CHST8: variants seen among roughly 807,000 people sequenced by gnomAD.
CHST8 encodes the protein carbohydrate sulfotransferase 8.
In CHST8, 10 loss-of-function variants were observed where a neutral mutation model predicts 15.0. That is an observed-to-expected ratio of 0.67 (90% CI 0.41 to 1.13). The LOEUF is 1.13. CHST8 is among the 50% of genes most tolerant of loss of function. The pLI is 0.00. For missense variants in CHST8, 634 were observed against 608.2 expected, an observed-to-expected ratio of 1.04 and a Z score of -0.45; for synonymous variants, 259 against 256.6, an observed-to-expected ratio of 1.01 and a Z score of -0.09.
At chr19:33,687,510 G>A (rs1025857706) in intron 2 of CHST8, among the ~76,000 whole-genome samples, 81 of 152,304 alleles carry the variant, frequency 5.3e-4, no homozygotes, top group African/African-American at 1.9e-3. Flanking sequence ...GACAAAACAG[G>A]CCCAGCTCAG....
intron 1 of CHST8, among the ~76,000 whole-genome samples, chr19:33,626,783 CTTTTTT>C (rs373066494): frequency 3.7e-5 from 5 of 133,480 alleles, no homozygotes; most frequent in African/African-American, 5.6e-5. Context: ...TTTTTTTTTC[CTTTTTT>C]TTTTTTTTTT....
chr19:33,693,964 T>G (rs2145264577), intron 3 of CHST8, among the ~76,000 whole-genome samples: 1 of 151,004 alleles, frequency 6.6e-6, no homozygotes, highest in African/African-American at 2.4e-5. Context: ...GGATTTTGTT[T>G]TAATGGGGCA....
At chr19:33,755,855 C>T (rs909462071) in intron 3 of CHST8, among the ~76,000 whole-genome samples, 1 of 152,220 alleles carries the variant, frequency 6.6e-6, no homozygotes. Flanking sequence ...ACAGCCATTA[C>T]ATGGGAGCAC....
intron 1 of CHST8, among the ~76,000 whole-genome samples, chr19:33,645,653 C>T (rs79476172): frequency 0.025 from 3,871 of 152,206 alleles, 169 homozygotes; most frequent in African/African-American, 0.088. Flanking sequence ...GAAGGACATA[C>T]AGGATTTAGG....
intron 3 of CHST8, among the ~76,000 whole-genome samples, chr19:33,713,658 C>A (rs1241962143): frequency 2.0e-5 from 3 of 152,116 alleles, no homozygotes; most frequent in Non-Finnish European, 4.4e-5. Flanking sequence ...CTCCAACTCC[C>A]AGGTTCAAGT....
intron 1 of CHST8, among the ~76,000 whole-genome samples, chr19:33,631,272 TTACACCTCC>T (rs1274321104): frequency 6.6e-6 from 1 of 152,192 alleles, no homozygotes; most frequent in Non-Finnish European, 1.5e-5. Flanking sequence ...ATATTCCTCC[TTACACCTCC>T]TATAGACATC....
chr19:33,652,932 T>A (rs1246953084), intron 1 of CHST8, among the ~76,000 whole-genome samples: 1 of 152,220 alleles, frequency 6.6e-6, no homozygotes, highest in East Asian at 1.9e-4. Flanking sequence ...CAAAACAACA[T>A]AATGATCTTG....
chr19:33,665,637 GAAAAAA>G (rs537538600), intron 1 of CHST8, among the ~76,000 whole-genome samples: 1 of 141,638 alleles, frequency 7.1e-6, no homozygotes, highest in Non-Finnish European at 1.6e-5. Context: ...CTTCAAAACT[GAAAAAA>G]AAAAAAAGCT....
In CHST8 at chr19:33,705,602, A is replaced by G. The variant is rs113389246; in HGVS notation, c.130+16211A>G. ...GGCACTCTCTCCAGTATCTACCTGG[A>G]GATGCGGGTGTGGGTGCCCGTGGGT... On this transcript the variant is annotated intron_variant, in intron 3 of 4. Transcript: ENST00000650847. Among the ~76,000 whole-genome samples, 1,463 of 152,258 alleles carry G rather than the reference A, an allele frequency of 9.6e-3. 21 individuals are homozygous for G. The highest frequency in any genetic ancestry group is 0.033 in the African/African-American group (1,378 of 41,536).
intron 3 of CHST8, among the ~76,000 whole-genome samples, chr19:33,742,806 C>T (rs1289176427): frequency 6.6e-6 from 1 of 152,212 alleles, no homozygotes; most frequent in Admixed American, 6.5e-5. Flanking sequence ...ATCAGCCCCT[C>T]TTGGCTGCTA....
chr19:33,652,713 T>TA (rs1810162132), intron 1 of CHST8, among the ~76,000 whole-genome samples: 1 of 152,166 alleles, frequency 6.6e-6, no homozygotes, highest in Non-Finnish European at 1.5e-5. Flanking sequence ...TTGTGTTTCC[T>TA]ACTTAACTTG....
intron 2 of CHST8, among the ~76,000 whole-genome samples, chr19:33,673,365 A>G (rs530610171): frequency 1.3e-5 from 2 of 152,346 alleles, no homozygotes; most frequent in African/African-American, 2.4e-5. Context: ...GGCAGGATCA[A>G]TTCCAGACAT....
At chr19:33,741,614 C>A (rs1304144656) in intron 3 of CHST8, among the ~76,000 whole-genome samples, 1 of 151,928 alleles carries the variant, frequency 6.6e-6, no homozygotes, top group Non-Finnish European at 1.5e-5. Context: ...ACTTGCGTGT[C>A]TTTTGTAGGA....
In CHST8 at chr19:33,773,097, C is replaced by G. The variant is rs1363035311; in HGVS notation, c.*34C>G. ...GCAGCTGGCCGGGGCCGCCCTGCCC[C>G]GGTCACTCACCTGTGCTCCCGGGCA... On this transcript the variant is annotated 3_prime_UTR_variant, in exon 5 of 5. Coordinates refer to ENST00000650847, the MANE Select transcript of CHST8 (RefSeq NM_001127895.2). 3 of 1,550,352 alleles carry G rather than the reference C, an allele frequency of 1.9e-6. No individual in the cohort carries two copies. Among genetic ancestry groups the G allele is most frequent in the African/African-American group, 1.4e-5 (1 of 73,920 alleles).
chr19:33,752,217 G>A (rs1034151678), intron 3 of CHST8, among the ~76,000 whole-genome samples: 34 of 152,282 alleles, frequency 2.2e-4, no homozygotes, highest in East Asian at 3.9e-4. Context: ...CCTGCCCGCC[G>A]CCTAGGGGGA....
At chr19:33,698,709 C>T (rs1320898357) in intron 3 of CHST8, among the ~76,000 whole-genome samples, 1 of 152,060 alleles carries the variant, frequency 6.6e-6, no homozygotes, top group Non-Finnish European at 1.5e-5. Context: ...TCACAGGTTC[C>T]ATTTGGGGCT....
At chr19:33,629,138 T>G (rs1972093031) in intron 1 of CHST8, among the ~76,000 whole-genome samples, 1 of 152,114 alleles carries the variant, frequency 6.6e-6, no homozygotes, top group Admixed American at 6.5e-5. Context: ...TGGCCCAACT[T>G]TTGCCTCCTG....
intron 3 of CHST8, among the ~76,000 whole-genome samples, chr19:33,689,958 T>A (rs1973066279): frequency 6.6e-6 from 1 of 152,118 alleles, no homozygotes; most frequent in African/African-American, 2.4e-5. Flanking sequence ...ACAGGTGGGA[T>A]GGCAGGGAGG....
chr19:33,642,727 C>A (rs528130896), intron 1 of CHST8, among the ~76,000 whole-genome samples: 2 of 152,208 alleles, frequency 1.3e-5, no homozygotes, highest in African/African-American at 4.8e-5. Flanking sequence ...AAAGTCTTAC[C>A]GTCCTTTGAA....
Sources: allele counts gnomAD v4.1 joint callset (sites outside exome capture counted in the v4.1 genomes callset), GRCh38; gene constraint gnomAD v4.1.1; transcripts MANE v1.5; gene names NCBI Gene and HGNC (gene_info 2026-07-23, HGNC 2026-07-21).